TRIM37: variants seen among roughly 807,000 people sequenced by gnomAD.
The protein encoded by TRIM37 is E3 ubiquitin-protein ligase TRIM37.
TRIM37 carries 80 observed loss-of-function variants against 129.8 expected under a neutral mutation model. The observed-to-expected ratio is 0.62, with a 90% CI of 0.51 to 0.74. The LOEUF is 0.74. TRIM37 is among the 30% of genes least tolerant of loss of function. The probability of loss-of-function intolerance (pLI) is 0.00; values close to 1 mark genes in which losing one functional copy is unlikely to be tolerated. For synonymous variants in TRIM37, 389 were observed against 387.1 expected (o/e 1.00, Z -0.06); for missense variants, 1,054 against 1,176.5 (o/e 0.90, Z 1.52).
chr17:59,017,353 C>T lies in TRIM37; in HGVS notation c.2329G>A (p.Ala777Thr), dbSNP rs376721539. ...SVAGSLSLRR[A>T]VDPGENSRSK... Reference sequence around the variant, plus strand: ...CGACTATTTTCTCCAGGGTCCACTGCTCTTCGAAGTGATAGACTACCTGCT... The same window carrying T: ...CGACTATTTTCTCCAGGGTCCACTGTTCTTCGAAGTGATAGACTACCTGCT... The change falls in exon 20 of 24, where the codon GCA (alanine) becomes ACA (threonine). Residue 777 changes from alanine to threonine, a missense_variant. This residue lies in a region of TRIM37 where 287 missense variants were observed against 274.3 expected (regional missense o/e 1.05). Transcript: ENST00000262294. The T allele has an allele frequency of 1.2e-4, 201 of 1,614,070 alleles. No individual in the cohort carries two copies. Among genetic ancestry groups the T allele is most frequent in the Non-Finnish European group, 1.7e-4 (196 of 1,180,024 alleles).
downstream of TRIM37, chr17:58,982,212 C>T (rs1434532275): frequency 1.3e-5 from 2 of 152,620 alleles, no homozygotes; most frequent in South Asian, 2.1e-4. Flanking sequence ...AGAGACAGGA[C>T]GTGTGCTTTT....
intron 2 of TRIM37, among the ~76,000 whole-genome samples, chr17:59,102,599 A>G (rs2045611425): frequency 6.6e-6 from 1 of 152,230 alleles, no homozygotes; most frequent in Admixed American, 6.5e-5. Context: ...CACCCTGTAA[A>G]GCAAATCATA....
chr17:58,982,994 A>G, intron 24 of TRIM37: 2 of 1,386,782 alleles, frequency 1.4e-6, no homozygotes, highest in South Asian at 2.6e-5. Flanking sequence ...GCGAAGTAAA[A>G]AAAAAAGCTT....
chr17:58,991,562 A>G (rs1000163347), intron 24 of TRIM37, among the ~76,000 whole-genome samples: 3 of 152,196 alleles, frequency 2.0e-5, no homozygotes, highest in Admixed American at 1.3e-4. Flanking sequence ...CACTCATTTT[A>G]TGAGGTCAGC....
intron 9 of TRIM37, among the ~76,000 whole-genome samples, chr17:59,067,760 T>C (rs2042031172): frequency 6.9e-6 from 1 of 144,310 alleles, no homozygotes; most frequent in African/African-American, 2.4e-5. Context: ...GCTCTGGAAC[T>C]CCTGACTTCA....
At chr17:59,036,024 G>A (rs1207160783) in intron 17 of TRIM37, among the ~76,000 whole-genome samples, 1 of 152,086 alleles carries the variant, frequency 6.6e-6, no homozygotes, top group Non-Finnish European at 1.5e-5. Context: ...CCTTCACTTT[G>A]TTACAAATTA....
At chr17:59,042,431 T>TA (rs71145517) in intron 16 of TRIM37, among the ~76,000 whole-genome samples, 95 of 76,672 alleles carry the variant, frequency 1.2e-3, no homozygotes, top group Admixed American at 1.8e-3. Flanking sequence ...AAAAGGAATT[T>TA]AAAAAAAAAA....
intron 19 of TRIM37, among the ~76,000 whole-genome samples, chr17:59,018,480 T>C (rs1203620422): frequency 6.6e-6 from 1 of 152,194 alleles, no homozygotes; most frequent in Non-Finnish European, 1.5e-5. Context: ...GAGAATGAAG[T>C]TAAGAAAACA....
chr17:58,983,661 G>A (rs751653993), intron 24 of TRIM37: 4 of 152,606 alleles, frequency 2.6e-5, no homozygotes, highest in Non-Finnish European at 5.9e-5. Context: ...TGTTAATGCT[G>A]AGGTATAGTC....
chr17:59,091,634 T>A (rs1477817679), intron 2 of TRIM37, among the ~76,000 whole-genome samples: 2 of 138,468 alleles, frequency 1.4e-5, no homozygotes, highest in Non-Finnish European at 3.0e-5. Flanking sequence ...TAATAATGTA[T>A]AATATATTAT....
chr17:59,012,264 C>A, intron 22 of TRIM37, 64 bp downstream of exon 22: 1 of 1,133,292 alleles, frequency 8.8e-7, no homozygotes, highest in Non-Finnish European at 1.3e-6. Flanking sequence ...CCACCCACCA[C>A]CCACCACCAA....
intron 22 of TRIM37, among the ~76,000 whole-genome samples, chr17:59,004,838 C>G (rs914441204): frequency 1.3e-5 from 2 of 152,200 alleles, no homozygotes; most frequent in Non-Finnish European, 2.9e-5. Context: ...CAGTGGTACA[C>G]TCTTCCTTTT....
intron 14 of TRIM37, among the ~76,000 whole-genome samples, chr17:59,050,795 CTG>C (rs1399600396): frequency 6.6e-6 from 1 of 152,082 alleles, no homozygotes; most frequent in Non-Finnish European, 1.5e-5. Context: ...CTGGCTAACA[CTG>C]TGAAACCCTG....
intron 13 of TRIM37, among the ~76,000 whole-genome samples, chr17:59,056,629 C>G (rs2040906589): frequency 7.3e-6 from 1 of 136,404 alleles, no homozygotes; most frequent in South Asian, 2.4e-4. Context: ...ACTCGGGAGG[C>G]TGAGGCAGGA....
At chr17:58,988,681 C>T (rs111906215) in intron 24 of TRIM37, among the ~76,000 whole-genome samples, 2 of 152,178 alleles carry the variant, frequency 1.3e-5, no homozygotes, top group South Asian at 2.1e-4. Flanking sequence ...AGCAGAGCAA[C>T]GGAAGCAGAG....
Position 59,061,083 on chromosome 17 carries a change from T to C in TRIM37, c.968A>G (p.Tyr323Cys), listed in dbSNP as rs751975452. 9.3e-6 allele frequency: 15 copies of C among 1,613,554 alleles called. No homozygotes were observed. The highest frequency in any genetic ancestry group is 4.5e-5 in the East Asian group (2 of 44,794). Residue 323 changes from tyrosine (Y) to cysteine (C), a missense_variant, in exon 12 of 24, where the codon TAC (tyrosine) becomes TGC (cysteine). Transcript: ENST00000262294. ...GAGCTCCAGAAACACAGATAAGTAG[T>C]AACCTCGCACAACTCCATTTCCATC... ...YPDGNGVVRG[Y>C]YLSVFLELSA...
chr17:59,080,206 T>C (rs534772740), intron 6 of TRIM37, among the ~76,000 whole-genome samples: 1 of 152,342 alleles, frequency 6.6e-6, no homozygotes, highest in Non-Finnish European at 1.5e-5. Context: ...TGACTGTCAT[T>C]CTAACAACTT....
At chr17:59,001,883 C>A in intron 22 of TRIM37, 169 bp from the exon 23 acceptor site, 1 of 969,030 alleles carries the variant, frequency 1.0e-6, no homozygotes, top group Non-Finnish European at 1.5e-6. Context: ...ACCGCACAAA[C>A]CTCGATTCTC....
chr17:59,045,638 CAAAAA>C (rs879736965), intron 16 of TRIM37, among the ~76,000 whole-genome samples: 1 of 71,888 alleles, frequency 1.4e-5, no homozygotes. Flanking sequence ...AACTCCGTCA[CAAAAA>C]AAAAAAAAAG....
Sources: gnomAD v4.1 joint callset for allele counts (sites outside exome capture counted in the v4.1 genomes callset) on GRCh38, gnomAD v4.1.1 for gene constraint, gnomAD v4.1.1 regional missense constraint, MANE v1.5 for transcripts, NCBI Gene and HGNC (gene_info 2026-07-23, HGNC 2026-07-21) for gene names.